USP13: variants seen among roughly 807,000 people sequenced by gnomAD.
USP13 encodes the protein ubiquitin carboxyl-terminal hydrolase 13.
In USP13, 68 loss-of-function variants were observed where a neutral mutation model predicts 107.8. That is an observed-to-expected ratio of 0.63 (90% CI 0.52 to 0.77). The LOEUF is 0.77. USP13 is among the 30% of genes least tolerant of loss of function. The pLI is 0.00. For synonymous variants in USP13, 377 were observed against 389.5 expected (o/e 0.97, Z 0.38); for missense variants, 945 against 1,093.3 (o/e 0.86, Z 1.91).
chr3:179,687,961 T>A (rs1711937812), intron 2 of USP13, among the ~76,000 whole-genome samples: 2 of 152,130 alleles, frequency 1.3e-5, no homozygotes. Context: ...GCAAATCACT[T>A]CTTCTTTCTG....
chr3:179,730,847 G>A, intron 10 of USP13, 138 bp downstream of exon 10: 1 of 714,864 alleles, frequency 1.4e-6, no homozygotes. Flanking sequence ...TGTCTAGGGT[G>A]CCTGTCTGTA....
chr3:179,665,928 G>A (rs1720573445), intron 1 of USP13, among the ~76,000 whole-genome samples: 1 of 152,146 alleles, frequency 6.6e-6, no homozygotes, highest in South Asian at 2.1e-4. Flanking sequence ...AAATTTGTGA[G>A]AGGAGATTTT....
rs1291475628 is a variant in USP13, at chr3:179,761,213, G to A, written c.2050G>A (p.Glu684Lys). The change falls in exon 17 of 21, where the codon GAG becomes AAG. Residue 684 changes from glutamate (E) to lysine (K), a missense_variant. By Grantham distance (56) the Glu-to-Lys change is moderately conservative. Transcript: ENST00000263966. Reference protein sequence around the residue: ...AVYFTGNMGAEVAFNWIIVHM... With the variant: ...AVYFTGNMGAKVAFNWIIVHM... ...GTACTTCACTGGAAATATGGGCGCCGAGGTGGCCTTCAACTGGATCATTGT... is the reference window on the plus strand; with the variant it reads ...GTACTTCACTGGAAATATGGGCGCCAAGGTGGCCTTCAACTGGATCATTGT... 6.2e-6 allele frequency: 10 copies of A among 1,614,060 alleles called. No individual in the cohort carries two copies. The highest frequency in any genetic ancestry group is 1.6e-4 in the Middle Eastern group (1 of 6,084).
chr3:179,730,299 G>T (rs375966515), intron 9 of USP13, 39 bp downstream of exon 9: 3 of 1,586,928 alleles, frequency 1.9e-6, no homozygotes, highest in South Asian at 2.3e-5. Flanking sequence ...TCTAGAAAAA[G>T]CATCCAATAA....
chr3:179,755,393 C>A (rs1231113451), intron 15 of USP13, among the ~76,000 whole-genome samples: 1 of 152,016 alleles, frequency 6.6e-6, no homozygotes, highest in Non-Finnish European at 1.5e-5. Context: ...CTCCTGGGTT[C>A]AAGCAATTCT....
At position 179,721,968 on chromosome 3, in the gene USP13, C is replaced by CT. The variant is rs1189374759; in HGVS notation, c.1088+380dup. Among the ~76,000 whole-genome samples the CT allele has an allele frequency of 1.3e-5, 2 of 151,166 alleles. No individual in the cohort carries two copies. Among genetic ancestry groups the CT allele is most frequent in the African/African-American group, 4.9e-5 (2 of 41,032 alleles). ...CCTGTAATTCCAGCTACTCAGGAGGCTGAGGCAGGATCACTTGAACTCAGG... is the reference window on the plus strand; with the variant it reads ...CCTGTAATTCCAGCTACTCAGGAGGCTTGAGGCAGGATCACTTGAACTCAGG... On this transcript the variant is annotated intron_variant, in intron 8 of 20. Transcript: ENST00000263966. This position sits in a 1 kb window ranked among gnomAD's most constrained non-coding sequence, Gnocchi z 4.3.
Position 179,653,793 on chromosome 3 carries a change from A to T in USP13, c.168+400A>T, listed in dbSNP as rs1720169035. On this transcript the variant is annotated intron_variant, in intron 1 of 20. Transcript: ENST00000263966. The surrounding 1 kb of genome is among the most constrained non-coding windows in gnomAD (Gnocchi z 4.0). ...TCCCCCCACACCCCGGGACACACAC[A>T]GCCCTTCTTTTTCTGGGACCACTTG... The T allele has an allele frequency of 5.9e-6, 1 of 170,556 alleles. No homozygotes were observed. Among genetic ancestry groups the T allele is most frequent in the South Asian group, 1.7e-4 (1 of 5,948 alleles). The allele number at this position is 170,556 out of a possible 1,614,324, so 10.6% of individuals were successfully genotyped here. A position where few individuals can be genotyped will look rare whatever the true frequency, so the allele number is the denominator to read the frequency against.
chr3:179,712,151 A>T (rs1260871055), intron 6 of USP13, among the ~76,000 whole-genome samples: 2 of 152,252 alleles, frequency 1.3e-5, no homozygotes, highest in Non-Finnish European at 2.9e-5. Flanking sequence ...GTATGCTAAT[A>T]ATAAAGGCCA....
intron 19 of USP13, among the ~76,000 whole-genome samples, chr3:179,779,229 C>T (rs2108554828): frequency 7.0e-6 from 1 of 142,464 alleles, no homozygotes; most frequent in South Asian, 2.1e-4. Context: ...ATTTGACTTC[C>T]ATTAAAAAAA....
At chr3:179,662,039 C>T (rs1480699513) in intron 1 of USP13, among the ~76,000 whole-genome samples, 1 of 152,176 alleles carries the variant, frequency 6.6e-6, no homozygotes, top group Admixed American at 6.5e-5. Flanking sequence ...CTGACTGTGG[C>T]TCTCATGCCC....
At chr3:179,673,355 G>T (rs192828249) in intron 1 of USP13, among the ~76,000 whole-genome samples, 19 of 151,892 alleles carry the variant, frequency 1.3e-4, no homozygotes, top group African/African-American at 4.6e-4. Flanking sequence ...CCCTGTAGCA[G>T]GTACTGTTTT....
chr3:179,779,738 GAAAAAGA>G (rs1185712475), intron 19 of USP13, among the ~76,000 whole-genome samples: 2 of 137,694 alleles, frequency 1.5e-5, no homozygotes, highest in Non-Finnish European at 3.1e-5. Flanking sequence ...AAAAAAAAAA[GAAAAAGA>G]AAAAAGAAAG....
At chr3:179,752,172 G>A in intron 13 of USP13, 113 bp from the exon 14 acceptor site, 1 of 842,790 alleles carries the variant, frequency 1.2e-6, no homozygotes, top group Non-Finnish European at 2.0e-6. Context: ...CTCCTCTTCA[G>A]TTCAGCCATT....
intron 5 of USP13, among the ~76,000 whole-genome samples, chr3:179,708,210 A>G (rs1190382995): frequency 6.6e-6 from 1 of 152,192 alleles, no homozygotes; most frequent in Non-Finnish European, 1.5e-5. Context: ...AGTTTTCGAA[A>G]GTAAAAAAGC....
At chr3:179,659,802 G>T (rs1720403392) in intron 1 of USP13, among the ~76,000 whole-genome samples, 1 of 152,128 alleles carries the variant, frequency 6.6e-6, no homozygotes, top group South Asian at 2.1e-4. Flanking sequence ...ACTTTGGGAG[G>T]CTGAGGTGGG....
At chr3:179,783,671 C>T (rs1340889965) in intron 20 of USP13, among the ~76,000 whole-genome samples, 1 of 152,062 alleles carries the variant, frequency 6.6e-6, no homozygotes, top group Non-Finnish European at 1.5e-5. Flanking sequence ...GTTCCTGATA[C>T]ATTTTAGTAA....
intron 2 of USP13, among the ~76,000 whole-genome samples, chr3:179,682,205 C>G (rs1711684018): frequency 6.7e-6 from 1 of 149,686 alleles, no homozygotes; most frequent in African/African-American, 2.5e-5. Context: ...TTCCTCTAAA[C>G]TTCTGATTGG....
intron 16 of USP13, among the ~76,000 whole-genome samples, chr3:179,757,403 G>C (rs1161344367): frequency 6.6e-6 from 1 of 152,200 alleles, no homozygotes; most frequent in Admixed American, 6.5e-5. Context: ...CATGGCTACT[G>C]AGTAGACCTC....
intron 19 of USP13, among the ~76,000 whole-genome samples, chr3:179,769,171 A>G (rs1479892149): frequency 6.6e-6 from 1 of 152,170 alleles, no homozygotes; most frequent in Non-Finnish European, 1.5e-5. Flanking sequence ...TGTAATTAAC[A>G]TGTGATTAAC....
Sources: gnomAD v4.1 joint callset for allele counts (sites outside exome capture counted in the v4.1 genomes callset) on GRCh38, gnomAD v4.1.1 for gene constraint, Gnocchi (gnomAD v3.1) non-coding constraint, MANE v1.5 for transcripts, NCBI Gene and HGNC (gene_info 2026-07-23, HGNC 2026-07-21) for gene names.